Variants in WDR49 observed in about 807,000 individuals in gnomAD.
WDR49 encodes cilia- and flagella-associated protein 337.
Under a neutral mutation model 119.5 loss-of-function variants are expected in WDR49, and 107 were observed. That is an observed-to-expected ratio of 0.90 (90% CI 0.77 to 1.05). The LOEUF (loss-of-function observed/expected upper bound fraction) is 1.05, where lower values mean the gene tolerates loss of function less well. Ranked by LOEUF, WDR49 falls within the 50% of genes least tolerant of loss-of-function variation. WDR49 has a pLI of 0.00. For synonymous variants in WDR49, 425 were observed against 418.8 expected, an observed-to-expected ratio of 1.01 and a Z score of -0.18; for missense variants, 1,240 against 1,220.5, an observed-to-expected ratio of 1.02 and a Z score of -0.24.
chr3:167,639,322 C>T (rs1717772102), intron 2 of WDR49, among the ~76,000 whole-genome samples: 1 of 151,718 alleles, frequency 6.6e-6, no homozygotes, highest in South Asian at 2.1e-4. Flanking sequence ...TTTAGAGAAT[C>T]TACACCAAAC....
chr3:167,639,845 G>C (rs1283436650), intron 2 of WDR49, among the ~76,000 whole-genome samples: 2 of 151,556 alleles, frequency 1.3e-5, no homozygotes, highest in African/African-American at 4.8e-5. Context: ...ACACAGCATT[G>C]GAAAAGCATC....
chr3:167,629,244 C>A (rs1438809626), intron 2 of WDR49, among the ~76,000 whole-genome samples: 1 of 152,044 alleles, frequency 6.6e-6, no homozygotes, highest in Admixed American at 6.6e-5. Flanking sequence ...AGAGCAAGAT[C>A]CTGTTTCTGT....
intron 2 of WDR49, among the ~76,000 whole-genome samples, chr3:167,648,644 T>G (rs774635971): frequency 6.6e-6 from 1 of 152,194 alleles, no homozygotes; most frequent in Non-Finnish European, 1.5e-5. Context: ...CTGTCCCTAC[T>G]TGCCATACGA....
chr3:167,538,425 G>A lies in WDR49; in HGVS notation c.1824-1425C>T, dbSNP rs552458591. ...TATCTCTGCAATATGTTACATATTC[G>A]TTTCTTACTATTTTACTTCAAACAG... On this transcript the variant is annotated intron_variant, in intron 10 of 18. Transcript: ENST00000682715. Among the ~76,000 whole-genome samples the A allele has an allele frequency of 1.4e-4, 21 of 151,938 alleles. No individual in the cohort carries two copies. In the South Asian group the frequency reaches 1.7e-3, roughly 12 times the overall value.
At chr3:167,636,136 T>C (rs373825184) in intron 2 of WDR49, among the ~76,000 whole-genome samples, 122 of 151,594 alleles carry the variant, frequency 8.0e-4, no homozygotes, top group Middle Eastern at 3.4e-3. Context: ...TTTCCCTGAG[T>C]CCCCAAAGTT....
At chr3:167,609,196 C>G (rs1262497953) in intron 5 of WDR49, among the ~76,000 whole-genome samples, 1 of 152,130 alleles carries the variant, frequency 6.6e-6, no homozygotes, top group East Asian at 1.9e-4. Context: ...AGTTAACAAT[C>G]TACACAGAAA....
At chr3:167,499,427 A>G (rs930215215) in intron 18 of WDR49, among the ~76,000 whole-genome samples, 1 of 152,174 alleles carries the variant, frequency 6.6e-6, no homozygotes, top group African/African-American at 2.4e-5. Context: ...GAAAACTTAA[A>G]CTTTTTATTA....
chr3:167,583,531 T>TA (rs962426463), intron 7 of WDR49, among the ~76,000 whole-genome samples: 10 of 151,780 alleles, frequency 6.6e-5, no homozygotes, highest in African/African-American at 9.7e-5. Flanking sequence ...CCTGTCTCTA[T>TA]AAAAAAAATC....
intron 10 of WDR49, among the ~76,000 whole-genome samples, chr3:167,552,017 T>A (rs1712602961): frequency 6.6e-6 from 1 of 151,598 alleles, no homozygotes; most frequent in Non-Finnish European, 1.5e-5. Flanking sequence ...AATGAAAAAA[T>A]TTTGAGAGGG....
chr3:167,511,346 C>A (rs191804204), intron 16 of WDR49, among the ~76,000 whole-genome samples: 1 of 152,074 alleles, frequency 6.6e-6, no homozygotes, highest in African/African-American at 2.4e-5. Context: ...CTTTTTGATG[C>A]GTTATTTTTT....
At chr3:167,643,356 C>T (rs1245819260) in intron 2 of WDR49, among the ~76,000 whole-genome samples, 2 of 151,966 alleles carry the variant, frequency 1.3e-5, no homozygotes, top group Non-Finnish European at 1.5e-5. Context: ...AGTAAAGAAT[C>T]AATCAGAAAA....
chr3:167,507,855 C>A (rs1226728810), intron 16 of WDR49, among the ~76,000 whole-genome samples: 1 of 152,166 alleles, frequency 6.6e-6, no homozygotes, highest in South Asian at 2.1e-4. Flanking sequence ...AGACATCTGA[C>A]ATTTGCAGGA....
At chr3:167,595,878 T>A (rs1010613570) in intron 7 of WDR49, among the ~76,000 whole-genome samples, 8 of 151,042 alleles carry the variant, frequency 5.3e-5, no homozygotes, top group Middle Eastern at 6.8e-3. Flanking sequence ...TGGGATCTAA[T>A]TAAACTAAAG....
chr3:167,641,665 C>A (rs1442830373), intron 2 of WDR49, among the ~76,000 whole-genome samples: 1 of 151,832 alleles, frequency 6.6e-6, no homozygotes, highest in Non-Finnish European at 1.5e-5. Flanking sequence ...AATAACAATT[C>A]ATTTTCCCTC....
chr3:167,498,714 A>G (rs1442966505), intron 18 of WDR49, among the ~76,000 whole-genome samples: 1 of 152,176 alleles, frequency 6.6e-6, no homozygotes, highest in African/African-American at 2.4e-5. Flanking sequence ...AGGTGTGGTA[A>G]TGACTTTTAA....
At chr3:167,620,743 T>C (rs1173191557) in intron 4 of WDR49, 140 bp from the exon 5 acceptor site, 1 of 808,212 alleles carries the variant, frequency 1.2e-6, no homozygotes, top group East Asian at 3.0e-5. Context: ...TGCAGGGTGT[T>C]ATACTAAAAA....
chr3:167,498,880 G>C (rs1464315543), intron 18 of WDR49, among the ~76,000 whole-genome samples: 1 of 152,130 alleles, frequency 6.6e-6, no homozygotes, highest in East Asian at 1.9e-4. Flanking sequence ...AAGTGGGGTA[G>C]ACAGCAGGAG....
Position 167,531,226 on chromosome 3 carries a change from T to A in WDR49, c.2107A>T (p.Met703Leu). 6.2e-7 allele frequency: 1 copy of A among 1,611,582 alleles called. No homozygotes were observed. Among genetic ancestry groups the A allele is most frequent in the Non-Finnish European group, 8.5e-7 (1 of 1,179,566 alleles). Residue 703 changes from methionine (M) to leucine (L), a missense_variant, in exon 13 of 19, where the codon ATG (methionine) becomes TTG (leucine). Transcript: ENST00000682715. ...SAGRSQPSHP[M>L]ADHSTTGVRN... ...ACTCCCGTGGTAGAATGGTCTGCCA[T>A]GGGGTGGGAGGGTTGGCTTCTCCCA...
intron 15 of WDR49, among the ~76,000 whole-genome samples, chr3:167,527,282 A>G (rs945812737): frequency 6.6e-6 from 1 of 152,160 alleles, no homozygotes. Flanking sequence ...GAGTTGAGCA[A>G]TTGTGAAGAT....
Sources: allele counts gnomAD v4.1 joint callset (sites outside exome capture counted in the v4.1 genomes callset), GRCh38; gene constraint gnomAD v4.1.1; transcripts MANE v1.5; gene names NCBI Gene and HGNC (gene_info 2026-07-23, HGNC 2026-07-21).